Variants in GRIP1 observed in about 807,000 individuals in gnomAD.
GRIP1 encodes glutamate receptor interacting protein 1, also known as glutamate receptor-interacting protein 1.
GRIP1 carries 45 observed loss-of-function variants against 129.9 expected under a neutral mutation model. That is an observed-to-expected ratio of 0.35 (90% confidence interval 0.27 to 0.44). The LOEUF (loss-of-function observed/expected upper bound fraction) is 0.44. Among genes scored for constraint, GRIP1 ranks in the 20% least tolerant of loss-of-function variants. The probability of loss-of-function intolerance (pLI) is 1.00; values close to 1 mark genes in which losing one functional copy is unlikely to be tolerated. For synonymous variants in GRIP1, 530 were observed against 520.8 expected (o/e 1.02, Z -0.24); for missense variants, 1,196 against 1,396.8 (o/e 0.86, Z 2.29).
intron 1 of GRIP1, among the ~76,000 whole-genome samples, chr12:66,783,150 C>T (rs1370842552): frequency 1.3e-5 from 2 of 152,082 alleles, no homozygotes; most frequent in Non-Finnish European, 2.9e-5. Flanking sequence ...TATGCCTCAG[C>T]TACCTGAGTA....
rs547706592 is a variant in GRIP1, at chr12:66,736,346, ATTTTTTTTTTTTTTTTTT to A, written c.-420+67689_-420+67706del. Reference sequence around the variant, plus strand: ...AGGTGTGCACCACCGTGCCTGGCTAATTTTTTTTTTTTTTTTTTTTTTTTTTTTTTTTTTTTTTTTTTT... The same window carrying A: ...AGGTGTGCACCACCGTGCCTGGCTAATTTTTTTTTTTTTTTTTTTTTTTTT... On this transcript the variant is annotated intron_variant, in intron 1 of 4. Transcript: ENST00000538373. Among the ~76,000 whole-genome samples, 84 of 67,022 alleles carry A rather than the reference ATTTTTTTTTTTTTTTTTT, an allele frequency of 1.3e-3. 3 individuals are homozygous for A. The highest frequency in any genetic ancestry group is 8.4e-3 in the South Asian group (13 of 1,540). 44.0% of individuals were successfully genotyped at this position (67,022 alleles called of 152,430 possible).
At chr12:66,881,560 A>G (rs1435571186) in intron 1 of GRIP1, among the ~76,000 whole-genome samples, 3 of 152,010 alleles carry the variant, frequency 2.0e-5, no homozygotes, top group Admixed American at 6.6e-5. Context: ...CATCCATCAC[A>G]TGCACCATTG....
At chr12:66,352,667 AG>A (rs2054287339) in intron 24 of GRIP1, among the ~76,000 whole-genome samples, 1 of 142,072 alleles carries the variant, frequency 7.0e-6, no homozygotes, top group African/African-American at 2.7e-5. Flanking sequence ...CAGGAGGCAG[AG>A]GTTGCAGTGA....
At chr12:66,853,544 T>C (rs1267818755) in intron 1 of GRIP1, among the ~76,000 whole-genome samples, 1 of 151,876 alleles carries the variant, frequency 6.6e-6, no homozygotes, top group African/African-American at 2.4e-5. Context: ...CGCACAGGAG[T>C]TCTGCATCTT....
chr12:67,003,592 C>T (rs749051919), intron 1 of GRIP1, among the ~76,000 whole-genome samples: 4 of 152,012 alleles, frequency 2.6e-5, no homozygotes, highest in Non-Finnish European at 5.9e-5. Context: ...ACTCGGGAGG[C>T]TGAGGCAGGA....
At chr12:66,967,968 T>C (rs1382452600) in intron 1 of GRIP1, among the ~76,000 whole-genome samples, 1 of 152,198 alleles carries the variant, frequency 6.6e-6, no homozygotes, top group Admixed American at 6.6e-5. Context: ...CTGATAATGC[T>C]ATTCAAGTCA....
chr12:66,812,934 C>T (rs1392829181), intron 1 of GRIP1, among the ~76,000 whole-genome samples: 1 of 152,038 alleles, frequency 6.6e-6, no homozygotes, highest in Non-Finnish European at 1.5e-5. Flanking sequence ...CAAATGCTTC[C>T]TGTGTGTCTC....
chr12:67,031,450 C>T (rs867598348), intron 1 of GRIP1, among the ~76,000 whole-genome samples: 2 of 152,170 alleles, frequency 1.3e-5, no homozygotes, highest in Admixed American at 6.5e-5. Context: ...CACCATCTTC[C>T]GCTATTACCC....
At chr12:66,763,385 T>C (rs2037531193) in intron 1 of GRIP1, among the ~76,000 whole-genome samples, 1 of 152,180 alleles carries the variant, frequency 6.6e-6, no homozygotes, top group Non-Finnish European at 1.5e-5. Context: ...ACAAGTTATC[T>C]AGTCTTAAGA....
intron 1 of GRIP1, among the ~76,000 whole-genome samples, chr12:66,669,357 C>T (rs1470499000): frequency 1.3e-5 from 2 of 152,022 alleles, no homozygotes; most frequent in Admixed American, 6.5e-5. Context: ...CACTGCACTG[C>T]AGCCTGGGTG....
Position 66,444,715 on chromosome 12 carries a change from T to C in GRIP1, c.1556A>G (p.Gln519Arg). 1 of 1,614,086 alleles carries C rather than the reference T, an allele frequency of 6.2e-7. No individual in the cohort carries two copies. The highest frequency in any genetic ancestry group is 8.5e-7 in the Non-Finnish European group (1 of 1,179,980). ...GATGGCCATCACTCTGTCTCCAATC[T>C]GTAGCACCCCACATCTAATTTAGAA... ...DSPAERCGVLQIGDRVMAING... is the reference protein window; with the variant it reads ...DSPAERCGVLRIGDRVMAING... Residue 519 changes from glutamine to arginine, a missense_variant, in exon 13 of 25, where the codon CAG becomes CGG. Around this residue, in one of 5 missense-constraint regions of GRIP1, gnomAD observed 508 missense variants for 587.0 expected, o/e 0.87. Coordinates refer to ENST00000359742, the MANE Select transcript of GRIP1 (RefSeq NM_001366722.1).
intron 2 of GRIP1, chr12:66,570,851 T>C (rs556928235): frequency 1.3e-5 from 2 of 152,332 alleles, no homozygotes; most frequent in East Asian, 1.9e-4. Context: ...TACAATTTTA[T>C]ATCAAGACAG....
chr12:66,625,059 T>C (rs2029874433), intron 1 of GRIP1, among the ~76,000 whole-genome samples: 1 of 152,036 alleles, frequency 6.6e-6, no homozygotes, highest in African/African-American at 2.4e-5. Context: ...TCATTCTTTA[T>C]TTAAAACACA....
chr12:66,385,491 G>A (rs752102414), intron 19 of GRIP1, among the ~76,000 whole-genome samples: 10 of 152,000 alleles, frequency 6.6e-5, no homozygotes, highest in Admixed American at 1.3e-4. Flanking sequence ...AGCCAAGATC[G>A]CAACATTGTA....
intron 1 of GRIP1, among the ~76,000 whole-genome samples, chr12:66,643,274 ATAAC>A (rs1840898706): frequency 6.6e-6 from 1 of 152,242 alleles, no homozygotes; most frequent in East Asian, 1.9e-4. Flanking sequence ...TCCTAAGGAA[ATAAC>A]TAGACAGCTA....
upstream of GRIP1, among the ~76,000 whole-genome samples, chr12:66,808,386 C>T (rs963165849): frequency 3.4e-4 from 52 of 152,100 alleles, 2 homozygotes. Flanking sequence ...CAACCTCTTC[C>T]TCCCAGGTTC....
intron 14 of GRIP1, among the ~76,000 whole-genome samples, chr12:66,427,158 GCTCA>G (rs2137909275): frequency 6.6e-6 from 1 of 152,204 alleles, no homozygotes; most frequent in African/African-American, 2.4e-5. Context: ...TAGAAATTAG[GCTCA>G]CTATCAGCTT....
intron 1 of GRIP1, among the ~76,000 whole-genome samples, chr12:66,995,213 T>C (rs1348487709): frequency 6.7e-6 from 1 of 150,000 alleles, no homozygotes; most frequent in Non-Finnish European, 1.5e-5. Flanking sequence ...ATGGATCATA[T>C]CTACATGTAA....
In GRIP1 at chr12:66,420,737, T is replaced by C. The variant is rs1453137262; in HGVS notation, c.1821A>G (p.Lys607=). 1.3e-6 allele frequency: 2 copies of C among 1,577,146 alleles called. No homozygotes were observed. Among genetic ancestry groups the C allele is most frequent in the South Asian group, 2.2e-5 (2 of 90,280 alleles). ...GDPLVISDIK[K]GSVAHRTGTL... is the part of the protein sequence containing the mutation. Reference sequence around the variant, plus strand: ...TTCCTTACCTGTGTGCCACACTCCCTTTCTTGATATCTGAAATGACGAGGG... The same window carrying C: ...TTCCTTACCTGTGTGCCACACTCCCCTTCTTGATATCTGAAATGACGAGGG... Residue 607 remains lysine, a synonymous_variant, in exon 15 of 25, where the codon AAA becomes AAG. Coordinates refer to ENST00000359742, the MANE Select transcript of GRIP1 (RefSeq NM_001366722.1).
Sources: allele counts gnomAD v4.1 joint callset (sites outside exome capture counted in the v4.1 genomes callset), GRCh38; gene constraint gnomAD v4.1.1; regional missense constraint gnomAD v4.1.1; transcripts MANE v1.5; gene names NCBI Gene and HGNC (gene_info 2026-07-23, HGNC 2026-07-21).